Variants in RELN observed in about 807,000 individuals in gnomAD.
The protein encoded by RELN is reelin.
Under a neutral mutation model 427.6 loss-of-function variants are expected in RELN, and 108 were observed. The observed-to-expected ratio is 0.25, with a 90% CI of 0.22 to 0.30. The LOEUF (loss-of-function observed/expected upper bound fraction) is 0.30, where lower values mean the gene tolerates loss of function less well. Among genes scored for constraint, RELN ranks in the 10% least tolerant of loss-of-function variants. The probability of loss-of-function intolerance (pLI) is 1.00; values close to 1 mark genes in which losing one functional copy is unlikely to be tolerated. For missense variants in RELN, 3,715 were observed against 4,302.8 expected, an observed-to-expected ratio of 0.86 and a Z score of 3.82; for synonymous variants, 1,524 against 1,513.4, an observed-to-expected ratio of 1.01 and a Z score of -0.16.
At chr7:103,477,379 T>C (rs1055059718) in intron 64 of RELN, among the ~76,000 whole-genome samples, 5 of 152,230 alleles carry the variant, frequency 3.3e-5, no homozygotes, top group African/African-American at 1.2e-4. Flanking sequence ...CATAGAAATA[T>C]AGGCATTTCT....
intron 2 of RELN, among the ~76,000 whole-genome samples, chr7:103,844,723 T>A (rs1026962259): frequency 6.6e-6 from 1 of 152,214 alleles, no homozygotes; most frequent in Non-Finnish European, 1.5e-5. Context: ...ATCTACTCAA[T>A]AGAACTGTGG....
intron 11 of RELN, among the ~76,000 whole-genome samples, chr7:103,669,169 G>A (rs1833335976): frequency 6.6e-6 from 1 of 152,022 alleles, no homozygotes; most frequent in Admixed American, 6.6e-5. Flanking sequence ...CACGCTAACT[G>A]TTGGAAGATA....
chr7:103,804,171 T>A (rs1792538703), intron 3 of RELN, among the ~76,000 whole-genome samples: 1 of 152,108 alleles, frequency 6.6e-6, no homozygotes, highest in Non-Finnish European at 1.5e-5. Flanking sequence ...CTATCTTGCA[T>A]TTGTTTATGG....
chr7:103,776,960 T>C (rs1791759417), intron 3 of RELN, among the ~76,000 whole-genome samples: 1 of 152,224 alleles, frequency 6.6e-6, no homozygotes, highest in Admixed American at 6.5e-5. Flanking sequence ...TGATATAAAA[T>C]GTTTTGTGGA....
Position 103,560,180 on chromosome 7 carries a change from T to C in RELN, c.5529+1352A>G, listed in dbSNP as rs1275189565. On this transcript the variant is annotated intron_variant, in intron 36 of 64. Coordinates refer to ENST00000428762, the MANE Select transcript of RELN (RefSeq NM_005045.4). ...TTTTCTCATCCTTTTTCAGGTTCAGTGATCCATTTGTGCTAAATGTGAGAA... is the reference window on the plus strand; with the variant it reads ...TTTTCTCATCCTTTTTCAGGTTCAGCGATCCATTTGTGCTAAATGTGAGAA... 2.0e-5 allele frequency among the ~76,000 whole-genome samples: 3 copies of C among 152,232 alleles called. No individual in the cohort carries two copies. In the East Asian group the frequency reaches 5.8e-4, roughly 29 times the overall value.
intron 28 of RELN, among the ~76,000 whole-genome samples, chr7:103,586,181 G>A (rs1831265931): frequency 6.6e-6 from 1 of 151,942 alleles, no homozygotes; most frequent in Admixed American, 6.6e-5. Flanking sequence ...GAACAACATG[G>A]TGAAATCCCG....
intron 52 of RELN, among the ~76,000 whole-genome samples, chr7:103,502,108 C>T (rs1271529937): frequency 6.6e-6 from 1 of 152,190 alleles, no homozygotes; most frequent in East Asian, 1.9e-4. Context: ...CCCTAGAGTT[C>T]ACTTATCTTT....
At chr7:103,529,838 T>G (rs1201065424) in intron 46 of RELN, among the ~76,000 whole-genome samples, 3 of 152,118 alleles carry the variant, frequency 2.0e-5, no homozygotes, top group Non-Finnish European at 4.4e-5. Flanking sequence ...TCCAGTAAAG[T>G]TTTTTGTGAA....
At chr7:103,554,264 A>G (rs1173660874) in intron 38 of RELN, among the ~76,000 whole-genome samples, 1 of 151,976 alleles carries the variant, frequency 6.6e-6, no homozygotes, top group Non-Finnish European at 1.5e-5. Context: ...AGTACTTGTC[A>G]GTACTTTGTA....
At chr7:103,681,987 T>C in intron 11 of RELN, 129 bp downstream of exon 11, 1 of 925,714 alleles carries the variant, frequency 1.1e-6, no homozygotes, top group Non-Finnish European at 1.8e-6. Context: ...CCTTTTGGCT[T>C]GTCTACGATA....
chr7:103,867,450 G>A (rs1297727242), intron 2 of RELN, among the ~76,000 whole-genome samples: 1 of 151,096 alleles, frequency 6.6e-6, no homozygotes, highest in East Asian at 1.9e-4. Flanking sequence ...GCTACTTTTT[G>A]TTTTGGAATA....
intron 2 of RELN, among the ~76,000 whole-genome samples, chr7:103,908,489 G>GGAACCT (rs1368571976): frequency 4.9e-4 from 75 of 152,246 alleles, no homozygotes; most frequent in African/African-American, 1.8e-3. Flanking sequence ...GGCTGGGCAT[G>GGAACCT]GAACCTGAGC....
chr7:103,526,806 C>T (rs60007988), intron 46 of RELN, among the ~76,000 whole-genome samples: 2 of 152,024 alleles, frequency 1.3e-5, no homozygotes, highest in Non-Finnish European at 2.9e-5. Context: ...TCTTGTTTAC[C>T]AAGAACTACG....
In RELN at chr7:103,772,234, C is replaced by A. The variant is rs562399519; in HGVS notation, c.544+4323G>T. ...TCCATAGTAAAAAGCACAGCCCTTA[C>A]CCTCAAGGAGCATATATCTCATGGC... On this transcript the variant is annotated intron_variant, in intron 4 of 64. Transcript: ENST00000428762. 3.3e-5 allele frequency among the ~76,000 whole-genome samples: 5 copies of A among 152,328 alleles called. No homozygotes were observed. In the South Asian group the frequency reaches 1.0e-3, roughly 32 times the overall value.
intron 6 of RELN, among the ~76,000 whole-genome samples, chr7:103,732,440 A>AT (rs1206738071): frequency 6.6e-6 from 1 of 152,160 alleles, no homozygotes; most frequent in East Asian, 1.9e-4. Context: ...TCTTCCTAAT[A>AT]TTTTTTTCTA....
rs192963752 is a variant in RELN at position 103,975,616 on chromosome 7, G to A, written c.226+13515C>T. ...AGGCTGGAGTAGTGGTGCAATCTCC[G>A]CTCACTGCAAGCTCCGCCTCCCGGG... On this transcript the variant is annotated intron_variant, in intron 1 of 64. Coordinates refer to ENST00000428762, the MANE Select transcript of RELN (RefSeq NM_005045.4). Among the ~76,000 whole-genome samples, 1,031 of 151,332 alleles carry A rather than the reference G, an allele frequency of 6.8e-3. 3 individuals are homozygous for A. The highest frequency in any genetic ancestry group is 0.011 in the Non-Finnish European group (748 of 67,904).
chr7:103,912,600 G>A (rs2116658294), intron 2 of RELN, among the ~76,000 whole-genome samples: 1 of 152,206 alleles, frequency 6.6e-6, no homozygotes, highest in Admixed American at 6.6e-5. Flanking sequence ...TATAATGGCT[G>A]ATGTATTAGC....
At chr7:103,707,438 T>G (rs967240140) in intron 8 of RELN, among the ~76,000 whole-genome samples, 1 of 152,138 alleles carries the variant, frequency 6.6e-6, no homozygotes, top group Non-Finnish European at 1.5e-5. Context: ...AAGATACACA[T>G]GTAATTCATA....
At chr7:103,538,283 A>C (rs547257701) in intron 45 of RELN, among the ~76,000 whole-genome samples, 3 of 152,184 alleles carry the variant, frequency 2.0e-5, no homozygotes, top group Non-Finnish European at 4.4e-5. Flanking sequence ...TCTAAAACTG[A>C]ACGGGGACCT....
Sources: allele counts gnomAD v4.1 joint callset (sites outside exome capture counted in the v4.1 genomes callset), GRCh38; gene constraint gnomAD v4.1.1; transcripts MANE v1.5; gene names NCBI Gene and HGNC (gene_info 2026-07-23, HGNC 2026-07-21).